TMEM117: variants seen among roughly 807,000 people sequenced by gnomAD.
The protein encoded by TMEM117 is transmembrane protein 117.
TMEM117 carries 27 observed loss-of-function variants against 52.4 expected under a neutral mutation model. The ratio of observed to expected loss-of-function variants is 0.51; its 90% CI spans 0.38 to 0.71. The LOEUF is 0.71. TMEM117 is among the 30% of genes least tolerant of loss of function. TMEM117 has a pLI of 0.00. For missense variants in TMEM117, 556 were observed against 630.5 expected, an observed-to-expected ratio of 0.88 and a Z score of 1.26; for synonymous variants, 215 against 206.3, an observed-to-expected ratio of 1.04 and a Z score of -0.36.
At chr12:44,042,511 C>T (rs1374578810) in intron 3 of TMEM117, among the ~76,000 whole-genome samples, 1 of 151,938 alleles carries the variant, frequency 6.6e-6, no homozygotes, top group Non-Finnish European at 1.5e-5. Flanking sequence ...GGAAGGCAGA[C>T]CCACCCTTAA....
chr12:44,083,972 G>A (rs1947526157), intron 3 of TMEM117, among the ~76,000 whole-genome samples: 1 of 152,026 alleles, frequency 6.6e-6, no homozygotes, highest in African/African-American at 2.4e-5. Flanking sequence ...AAAAACACAA[G>A]CAAAATATTT....
chr12:43,801,859 G>A, the TMEM117 span, among the ~76,000 whole-genome samples: 2 of 151,952 alleles, frequency 1.3e-5, no homozygotes, highest in Admixed American at 1.3e-4. Flanking sequence ...GTGAAACCCC[G>A]TCTCTACTAA....
intron 2 of TMEM117, among the ~76,000 whole-genome samples, chr12:43,914,512 G>T (rs1944568621): frequency 6.6e-6 from 1 of 152,150 alleles, no homozygotes; most frequent in Non-Finnish European, 1.5e-5. Context: ...TGGAGAACAA[G>T]ACAGACACAG....
At chr12:43,898,481 C>T (rs1944250732) in intron 2 of TMEM117, among the ~76,000 whole-genome samples, 1 of 151,038 alleles carries the variant, frequency 6.6e-6, no homozygotes, top group Non-Finnish European at 1.5e-5. Context: ...AATAATAGAC[C>T]CTACTTGAAC....
intron 5 of TMEM117, among the ~76,000 whole-genome samples, chr12:44,235,323 A>G (rs1159707662): frequency 6.6e-6 from 1 of 150,892 alleles, no homozygotes; most frequent in Non-Finnish European, 1.5e-5. Context: ...TACGTTTTAA[A>G]TGTTTCCTGT....
intron 5 of TMEM117, among the ~76,000 whole-genome samples, chr12:44,293,380 A>G (rs760891256): frequency 2.6e-5 from 4 of 152,072 alleles, no homozygotes; most frequent in Non-Finnish European, 5.9e-5. Flanking sequence ...GAATCTATTC[A>G]GCCACTCTGC....
chr12:43,938,946 GC>G (rs1323520682), intron 2 of TMEM117, among the ~76,000 whole-genome samples: 1 of 151,778 alleles, frequency 6.6e-6, no homozygotes, highest in Non-Finnish European at 1.5e-5. Flanking sequence ...GTTGCAGTGA[GC>G]CGAGATTGCT....
At chr12:44,291,566 T>G (rs1444343822) in intron 5 of TMEM117, among the ~76,000 whole-genome samples, 2 of 152,144 alleles carry the variant, frequency 1.3e-5, no homozygotes, top group East Asian at 3.9e-4. Flanking sequence ...GCATCTTTTC[T>G]TGTTCCTGAT....
chr12:44,087,318 GA>G (rs1479373038), intron 3 of TMEM117, among the ~76,000 whole-genome samples: 1 of 152,170 alleles, frequency 6.6e-6, no homozygotes, highest in East Asian at 1.9e-4. Flanking sequence ...AAGTGTGTTG[GA>G]TTTTTCTTGT....
intron 2 of TMEM117, among the ~76,000 whole-genome samples, chr12:43,882,026 C>A (rs748768465): frequency 6.6e-6 from 1 of 151,330 alleles, no homozygotes; most frequent in African/African-American, 2.4e-5. Context: ...GAGCCCAGAT[C>A]GAGCCACTGC....
chr12:44,248,343 A>G (rs956777059), intron 5 of TMEM117: 1 of 152,312 alleles, frequency 6.6e-6, no homozygotes, highest in African/African-American at 2.4e-5. Flanking sequence ...TTTCCTTCCT[A>G]TGGCAGACAT....
At chr12:43,993,397 C>T (rs1179643107) in intron 3 of TMEM117, among the ~76,000 whole-genome samples, 1 of 152,178 alleles carries the variant, frequency 6.6e-6, no homozygotes, top group Admixed American at 6.5e-5. Flanking sequence ...ATCACTTGTA[C>T]TATATGCCTC....
At chr12:44,033,203 C>G (rs1946660063) in intron 3 of TMEM117, among the ~76,000 whole-genome samples, 2 of 152,118 alleles carry the variant, frequency 1.3e-5, no homozygotes, top group Non-Finnish European at 2.9e-5. Flanking sequence ...TTGGCAACAT[C>G]AGGAAATTAC....
At chr12:43,961,152 ACAATTGG>A (rs1342777160) in intron 3 of TMEM117, among the ~76,000 whole-genome samples, 1 of 152,164 alleles carries the variant, frequency 6.6e-6, no homozygotes, top group South Asian at 2.1e-4. Context: ...TAAATGCAAA[ACAATTGG>A]TATGATGCCC....
chr12:43,831,469 A>G (rs1448977287), upstream of TMEM117, among the ~76,000 whole-genome samples: 1 of 151,804 alleles, frequency 6.6e-6, no homozygotes, highest in African/African-American at 2.4e-5. Context: ...TTTTTAATAA[A>G]GACTGAAATG....
At chr12:44,376,400 CTTAATT>C (rs780116671) in intron 6 of TMEM117, 189 bp from the exon 7 acceptor site, 2 of 676,638 alleles carry the variant, frequency 3.0e-6, no homozygotes, top group Non-Finnish European at 5.2e-6. Flanking sequence ...TAAGTTATGA[CTTAATT>C]TTGATTTTGA....
At chr12:44,370,169 G>T (rs1278230693) in intron 6 of TMEM117, among the ~76,000 whole-genome samples, 2 of 152,124 alleles carry the variant, frequency 1.3e-5, no homozygotes, top group Admixed American at 1.3e-4. Context: ...TTTACATGAT[G>T]ACTAAAAGGG....
intron 3 of TMEM117, among the ~76,000 whole-genome samples, chr12:43,993,333 A>C (rs1479734847): frequency 6.6e-6 from 1 of 152,248 alleles, no homozygotes. Context: ...CACCTGGCAC[A>C]GTGCCTGGCA....
rs113024006 is a variant in TMEM117, at chr12:44,276,908, A to G, written c.609-22672A>G. On this transcript the variant is annotated intron_variant, in intron 5 of 7. Transcript: ENST00000266534. Reference sequence around the variant, plus strand: ...GAAAAGTTTGTGTGTGTGTGTGTGTATGTGTGTGTGTGTGTGTGTGTGTGT... The same window carrying G: ...GAAAAGTTTGTGTGTGTGTGTGTGTGTGTGTGTGTGTGTGTGTGTGTGTGT... Among the ~76,000 whole-genome samples, 396 of 143,722 alleles carry G rather than the reference A, an allele frequency of 2.8e-3. 12 individuals carry two copies. In the East Asian group the frequency reaches 0.034, roughly 12 times the overall value. 94.3% of individuals were successfully genotyped at this position (143,722 alleles called of 152,430 possible). A position where few individuals can be genotyped will look rare whatever the true frequency, so the allele number is the denominator to read the frequency against.
Sources: gnomAD v4.1 joint callset for allele counts (sites outside exome capture counted in the v4.1 genomes callset) on GRCh38, gnomAD v4.1.1 for gene constraint, MANE v1.5 for transcripts, NCBI Gene and HGNC (gene_info 2026-07-23, HGNC 2026-07-21) for gene names.